Variants in RBMS1 observed in about 807,000 individuals in gnomAD.
RBMS1 encodes the protein RNA-binding motif, single-stranded-interacting protein 1.
Under a neutral mutation model 62.3 loss-of-function variants are expected in RBMS1, and 17 were observed. The ratio of observed to expected loss-of-function variants is 0.27; its 90% CI spans 0.19 to 0.41. The LOEUF is 0.41. Among genes scored for constraint, RBMS1 ranks in the 10% least tolerant of loss-of-function variants. The pLI, the probability that RBMS1 is intolerant of heterozygous loss-of-function variation, is 1.00. For missense variants in RBMS1, 334 were observed against 504.5 expected, an observed-to-expected ratio of 0.66 and a Z score of 3.24; for synonymous variants, 172 against 170.0, an observed-to-expected ratio of 1.01 and a Z score of -0.09.
chr2:160,277,939 A>G (rs189289378), intron 11 of RBMS1: 222 of 156,984 alleles, frequency 1.4e-3, no homozygotes, highest in African/African-American at 5.1e-3. Context: ...AGCCTTCACA[A>G]GAAACAGCTG....
intron 1 of RBMS1, among the ~76,000 whole-genome samples, chr2:160,378,883 A>AG (rs1304155116): frequency 6.6e-6 from 1 of 152,218 alleles, no homozygotes; most frequent in African/African-American, 2.4e-5. Flanking sequence ...AGCTTCACAA[A>AG]GCATATACTT....
chr2:160,308,798 G>A (rs967351532), intron 4 of RBMS1, among the ~76,000 whole-genome samples: 19 of 152,178 alleles, frequency 1.2e-4, no homozygotes, highest in African/African-American at 4.6e-4. Context: ...CAACCTGGGG[G>A]AAAGCTAGTA....
In RBMS1 at chr2:160,430,657, T is replaced by A. The variant is rs1682852977; in HGVS notation, c.75+62632A>T. Among the ~76,000 whole-genome samples the A allele has an allele frequency of 1.3e-5, 2 of 152,236 alleles. 1 individual carries two copies. Among genetic ancestry groups the A allele is most frequent in the South Asian group, 4.1e-4 (2 of 4,832 alleles). Reference sequence around the variant, plus strand: ...TATTCATTTATTTTTCTATTAGTCCTACCAGTTCAAAAAGTAAAAATAGTA... The same window carrying A: ...TATTCATTTATTTTTCTATTAGTCCAACCAGTTCAAAAAGTAAAAATAGTA... On this transcript the variant is annotated intron_variant, in intron 1 of 13. Coordinates refer to ENST00000348849, the MANE Select transcript of RBMS1 (RefSeq NM_016836.4).
intron 2 of RBMS1, among the ~76,000 whole-genome samples, chr2:160,336,030 A>G (rs1487718948): frequency 1.3e-5 from 2 of 152,154 alleles, no homozygotes; most frequent in African/African-American, 4.8e-5. Flanking sequence ...TGAGCAGCTC[A>G]TGTTAGGGTG....
At chr2:160,322,530 G>A (rs750067621) in intron 2 of RBMS1, among the ~76,000 whole-genome samples, 2 of 152,212 alleles carry the variant, frequency 1.3e-5, no homozygotes, top group Non-Finnish European at 2.9e-5. Context: ...AAGTTGTGGA[G>A]TAAGACTGAA....
chr2:160,282,304 C>CT, intron 9 of RBMS1: 3 of 1,367,888 alleles, frequency 2.2e-6, no homozygotes, highest in Non-Finnish European at 2.9e-6. Context: ...TCCTTTGCCA[C>CT]CTAAGGCAGA....
intron 1 of RBMS1, among the ~76,000 whole-genome samples, chr2:160,413,065 C>A (rs1011382877): frequency 6.6e-6 from 1 of 152,178 alleles, no homozygotes; most frequent in Non-Finnish European, 1.5e-5. Flanking sequence ...GAATAGAACA[C>A]CTCTATCAAG....
At chr2:160,400,652 C>G (rs997602875) in intron 1 of RBMS1, among the ~76,000 whole-genome samples, 2 of 152,102 alleles carry the variant, frequency 1.3e-5, no homozygotes, top group Non-Finnish European at 2.9e-5. Context: ...TATATAGCTA[C>G]GTTTCCCCCT....
chr2:160,413,308 CT>C (rs1179196432), intron 1 of RBMS1, among the ~76,000 whole-genome samples: 1 of 151,822 alleles, frequency 6.6e-6, no homozygotes, highest in Non-Finnish European at 1.5e-5. Flanking sequence ...TGTATAAGAG[CT>C]CACAAAGCCT....
At chr2:160,480,526 G>T (rs1268505690) in intron 1 of RBMS1, among the ~76,000 whole-genome samples, 1 of 152,086 alleles carries the variant, frequency 6.6e-6, no homozygotes, top group African/African-American at 2.4e-5. Flanking sequence ...AATAACTTTT[G>T]TGTTTTATTA....
chr2:160,370,854 C>T (rs1208616041), intron 1 of RBMS1, among the ~76,000 whole-genome samples: 19 of 135,894 alleles, frequency 1.4e-4, no homozygotes, highest in Non-Finnish European at 7.9e-5. Context: ...GTAAAAGGTG[C>T]CTTTAATGTT....
intron 7 of RBMS1, among the ~76,000 whole-genome samples, chr2:160,286,192 T>C (rs13006591): frequency 1 from 152,070 of 152,070 alleles, 76,035 homozygotes; most frequent in Non-Finnish European, 1. Context: ...CTCAGCTACA[T>C]AGGAGGCTGA....
In RBMS1 at chr2:160,388,848, T is replaced by C. The variant is rs561094389; in HGVS notation, c.76-21457A>G. Among the ~76,000 whole-genome samples, 8 of 152,318 alleles carry C rather than the reference T, an allele frequency of 5.3e-5. No homozygotes were observed. In the South Asian group the frequency reaches 1.7e-3, roughly 32 times the overall value. The stretch of plus-strand genomic sequence containing the variant: ...AGGTTAACAGGTCTACAAACTTTAT[T>C]GGGATAAACAAATTGCTGGGATGAA... On this transcript the variant is annotated intron_variant, in intron 1 of 13. Coordinates refer to ENST00000348849, the MANE Select transcript of RBMS1 (RefSeq NM_016836.4).
chr2:160,364,395 T>C (rs1471663375), intron 2 of RBMS1, among the ~76,000 whole-genome samples: 1 of 152,238 alleles, frequency 6.6e-6, no homozygotes, highest in East Asian at 1.9e-4. Flanking sequence ...TAAATGTTTC[T>C]AGGAAATTTA....
chr2:160,289,549 A>T (rs988842280), intron 6 of RBMS1, among the ~76,000 whole-genome samples: 4 of 152,192 alleles, frequency 2.6e-5, no homozygotes, highest in African/African-American at 9.6e-5. Context: ...TTTTAACTTA[A>T]TGTCCACTAT....
intron 1 of RBMS1, among the ~76,000 whole-genome samples, chr2:160,434,902 T>C (rs1683051694): frequency 6.6e-6 from 1 of 152,180 alleles, no homozygotes; most frequent in Non-Finnish European, 1.5e-5. Flanking sequence ...AAAGGAGCTT[T>C]GACTTCCTGG....
At chr2:160,470,703 A>T (rs921159230) in intron 1 of RBMS1, among the ~76,000 whole-genome samples, 1 of 152,044 alleles carries the variant, frequency 6.6e-6, no homozygotes. Context: ...TAGATTGTTA[A>T]TGTCTGTTTA....
chr2:160,376,315 G>A (rs1044680724), intron 1 of RBMS1, among the ~76,000 whole-genome samples: 1 of 152,148 alleles, frequency 6.6e-6, no homozygotes, highest in African/African-American at 2.4e-5. Flanking sequence ...GCAGTACCAT[G>A]GGTTTCACAA....
chr2:160,362,490 T>C (rs1421777946), intron 2 of RBMS1, among the ~76,000 whole-genome samples: 2 of 152,042 alleles, frequency 1.3e-5, no homozygotes, highest in East Asian at 1.9e-4. Flanking sequence ...CAGAGAAAAA[T>C]GGAGGAGAAG....
Sources: allele counts gnomAD v4.1 joint callset (sites outside exome capture counted in the v4.1 genomes callset), GRCh38; gene constraint gnomAD v4.1.1; transcripts MANE v1.5; gene names NCBI Gene and HGNC (gene_info 2026-07-23, HGNC 2026-07-21).